Variants in FBXO8 observed in about 807,000 individuals in gnomAD.
The protein encoded by FBXO8 is F-box protein 8.
A neutral mutation model predicts 33.4 loss-of-function variants in FBXO8; 15 were observed. That is an observed-to-expected ratio of 0.45 (90% confidence interval 0.30 to 0.69). The LOEUF is 0.69. Among genes scored for constraint, FBXO8 ranks in the 30% least tolerant of loss-of-function variants. FBXO8 has a pLI of 0.08. For synonymous variants in FBXO8, 132 were observed against 131.5 expected, an observed-to-expected ratio of 1.00 and a Z score of -0.02; for missense variants, 274 against 380.3, an observed-to-expected ratio of 0.72 and a Z score of 2.32.
chr4:174,244,832 GA>G (rs1400670172), intron 3 of FBXO8, among the ~76,000 whole-genome samples: 3 of 151,664 alleles, frequency 2.0e-5, no homozygotes, highest in Non-Finnish European at 4.4e-5. Context: ...TATTTCTTGG[GA>G]AAATAAACTG....
rs1579027279 is a variant in FBXO8 at position 174,257,321 on chromosome 4, G to A, written c.456+2378C>T. On this transcript the variant is annotated intron_variant, in intron 3 of 5. Transcript: ENST00000393674. This position sits in a 1 kb window ranked among gnomAD's most constrained non-coding sequence, Gnocchi z 4.3. ...TTGTTTAAAAATTGGCATTCCTTTA[G>A]CAAGGAAAGACTACTTACCATAATC... Among the ~76,000 whole-genome samples, 1 of 152,082 alleles carries A rather than the reference G, an allele frequency of 6.6e-6. No homozygotes were observed. Among genetic ancestry groups the A allele is most frequent in the East Asian group, 1.9e-4 (1 of 5,194 alleles).
chr4:174,281,498 A>G lies in FBXO8; in HGVS notation c.-9+1912T>C, dbSNP rs1390838576. Among the ~76,000 whole-genome samples, 5 of 152,250 alleles carry G rather than the reference A, an allele frequency of 3.3e-5. No homozygotes were observed. Among genetic ancestry groups the G allele is most frequent in the Admixed American group, 3.3e-4 (5 of 15,296 alleles). On this transcript the variant is annotated intron_variant, in intron 1 of 5. Coordinates refer to ENST00000393674, the MANE Select transcript of FBXO8 (RefSeq NM_012180.3). The surrounding 1 kb of genome is among the most constrained non-coding windows in gnomAD (Gnocchi z 4.6). ...GATCGCTTGAGCTCAGGACTTCAAGACCAGCCTGGGCAGCACAGTCAGACA... is the reference window on the plus strand; with the variant it reads ...GATCGCTTGAGCTCAGGACTTCAAGGCCAGCCTGGGCAGCACAGTCAGACA...
At chr4:174,266,512 C>T (rs994640586) in intron 1 of FBXO8, among the ~76,000 whole-genome samples, 3 of 152,058 alleles carry the variant, frequency 2.0e-5, no homozygotes, top group Non-Finnish European at 4.4e-5. Flanking sequence ...AGCGTTCTGC[C>T]CCCATTCCCT....
In FBXO8 at chr4:174,254,185, T is replaced by C. The variant is rs139614937; in HGVS notation, c.456+5514A>G. 6.2e-3 allele frequency among the ~76,000 whole-genome samples: 949 copies of C among 152,320 alleles called. 5 individuals carry two copies. The highest frequency in any genetic ancestry group is 0.01 in the Admixed American group (158 of 15,306). Reference sequence around the variant, plus strand: ...AGGGTGCTGAGAACTCAATTCTTCCTAGCTAGATCTTAGTTTATATCACAG... The same window carrying C: ...AGGGTGCTGAGAACTCAATTCTTCCCAGCTAGATCTTAGTTTATATCACAG... On this transcript the variant is annotated intron_variant, in intron 3 of 5. Coordinates refer to ENST00000393674, the MANE Select transcript of FBXO8 (RefSeq NM_012180.3). This position sits in a 1 kb window ranked among gnomAD's most constrained non-coding sequence, Gnocchi z 4.2.
At position 174,262,287 on chromosome 4, in the gene FBXO8, T is replaced by C. The variant is rs957253769; in HGVS notation, c.329+477A>G. Among the ~76,000 whole-genome samples the C allele has an allele frequency of 1.3e-5, 2 of 152,146 alleles. No homozygotes were observed. Among genetic ancestry groups the C allele is most frequent in the Non-Finnish European group, 2.9e-5 (2 of 67,996 alleles). On this transcript the variant is annotated intron_variant, in intron 2 of 5. Coordinates refer to ENST00000393674, the MANE Select transcript of FBXO8 (RefSeq NM_012180.3). This position sits in a 1 kb window ranked among gnomAD's most constrained non-coding sequence, Gnocchi z 4.6. ...TCTAACAAGCACCTTTGAAGAAATA[T>C]AGAATTGAGTAAAAATGTAAGGCTC...
At chr4:174,242,725 G>A (rs566522718) in intron 3 of FBXO8, among the ~76,000 whole-genome samples, 1 of 151,520 alleles carries the variant, frequency 6.6e-6, no homozygotes, top group African/African-American at 2.4e-5. Context: ...CTGTCCGAGG[G>A]GGCAGCAACT....
chr4:174,279,718 T>C (rs951869994), intron 1 of FBXO8, among the ~76,000 whole-genome samples: 2 of 152,118 alleles, frequency 1.3e-5, no homozygotes, highest in Admixed American at 6.5e-5. Context: ...CAAAAGATTT[T>C]TGACTAGGTG....
intron 1 of FBXO8, among the ~76,000 whole-genome samples, chr4:174,266,052 A>T (rs1437751438): frequency 6.6e-6 from 1 of 152,116 alleles, no homozygotes; most frequent in Non-Finnish European, 1.5e-5. Context: ...CTATTTTCCT[A>T]CAGAATCTTT....
In FBXO8 at chr4:174,259,325, A is replaced by G. The variant is rs1354621998; in HGVS notation, c.456+374T>C. Among the ~76,000 whole-genome samples the G allele has an allele frequency of 6.6e-6, 1 of 152,118 alleles. No homozygotes were observed. Among genetic ancestry groups the G allele is most frequent in the Non-Finnish European group, 1.5e-5 (1 of 67,972 alleles). ...TATCTTTGATAAAAGTAACATCACT[A>G]CTAAGGAAAAACAATAAACAGAAAA... On this transcript the variant is annotated intron_variant, in intron 3 of 5. Coordinates refer to ENST00000393674, the MANE Select transcript of FBXO8 (RefSeq NM_012180.3). This position sits in a 1 kb window ranked among gnomAD's most constrained non-coding sequence, Gnocchi z 4.3.
Position 174,275,016 on chromosome 4 carries a change from C to T in FBXO8, c.-9+8394G>A, listed in dbSNP as rs1246512147. On this transcript the variant is annotated intron_variant, in intron 1 of 5. Coordinates refer to ENST00000393674, the MANE Select transcript of FBXO8 (RefSeq NM_012180.3). This position sits in a 1 kb window ranked among gnomAD's most constrained non-coding sequence, Gnocchi z 4.4. ...ATTTGGAAGATGAAAGGAAAGCCTACAGATTGAGAGAAAATATTTGTAAAC... is the reference window on the plus strand; with the variant it reads ...ATTTGGAAGATGAAAGGAAAGCCTATAGATTGAGAGAAAATATTTGTAAAC... 6.6e-6 allele frequency among the ~76,000 whole-genome samples: 1 copy of T among 152,116 alleles called. No individual in the cohort carries two copies. The highest frequency in any genetic ancestry group is 1.9e-4 in the East Asian group (1 of 5,194).
At chr4:174,273,820 TGTTTGAGTTTATGTACTCA>T (rs1736892758) in intron 1 of FBXO8, among the ~76,000 whole-genome samples, 2 of 152,182 alleles carry the variant, frequency 1.3e-5, no homozygotes, top group Admixed American at 1.3e-4. Flanking sequence ...AAAAGATGTG[TGTTTGAGTTTATGTACTCA>T]GTTTAAGAAT....
At position 174,253,050 on chromosome 4, in the gene FBXO8, A is replaced by G. The variant is rs1441717121; in HGVS notation, c.456+6649T>C. Reference sequence around the variant, plus strand: ...ATGAGTCAAGAGATAGATTACACGGATGCCATAAAAGCATCCTTCAAGGTG... The same window carrying G: ...ATGAGTCAAGAGATAGATTACACGGGTGCCATAAAAGCATCCTTCAAGGTG... On this transcript the variant is annotated intron_variant, in intron 3 of 5. Transcript: ENST00000393674. This position sits in a 1 kb window ranked among gnomAD's most constrained non-coding sequence, Gnocchi z 4.5. Among the ~76,000 whole-genome samples the G allele has an allele frequency of 6.6e-6, 1 of 152,122 alleles. No individual in the cohort carries two copies. The highest frequency in any genetic ancestry group is 1.5e-5 in the Non-Finnish European group (1 of 68,020).
intron 5 of FBXO8, among the ~76,000 whole-genome samples, chr4:174,238,192 G>A (rs1735932728): frequency 6.6e-6 from 1 of 151,868 alleles, no homozygotes; most frequent in Non-Finnish European, 1.5e-5. Context: ...AATTTTGAAA[G>A]CAAATCTTTA....
chr4:174,240,969 A>T, intron 4 of FBXO8, 131 bp downstream of exon 4: 1 of 514,378 alleles, frequency 1.9e-6, no homozygotes, highest in Non-Finnish European at 3.4e-6. Flanking sequence ...GAGATATAGG[A>T]ATCTTTTCCC....
chr4:174,239,893 C>T (rs1475513355), intron 4 of FBXO8, among the ~76,000 whole-genome samples: 5 of 151,656 alleles, frequency 3.3e-5, no homozygotes, highest in African/African-American at 1.2e-4. Flanking sequence ...TCCTTCAATT[C>T]TTATTGAACT....
At chr4:174,249,083 A>G (rs1318305354) in intron 3 of FBXO8, among the ~76,000 whole-genome samples, 1 of 152,086 alleles carries the variant, frequency 6.6e-6, no homozygotes, top group Non-Finnish European at 1.5e-5. Context: ...ATTCGTTCTA[A>G]TAGCCTCAAA....
At chr4:174,248,496 T>C (rs1464270739) in intron 3 of FBXO8, among the ~76,000 whole-genome samples, 1 of 152,034 alleles carries the variant, frequency 6.6e-6, no homozygotes, top group Non-Finnish European at 1.5e-5. Context: ...AGTTTTGATG[T>C]CAGTTTTAAG....
At chr4:174,273,842 T>TTAAAAC (rs934491064) in intron 1 of FBXO8, among the ~76,000 whole-genome samples, 14 of 152,172 alleles carry the variant, frequency 9.2e-5, no homozygotes, top group Admixed American at 1.3e-4. Context: ...TGTACTCAGT[T>TTAAAAC]TAAGAATTAT....
chr4:174,279,068 A>C (rs1166732986), intron 1 of FBXO8, among the ~76,000 whole-genome samples: 4 of 152,040 alleles, frequency 2.6e-5, no homozygotes, highest in Non-Finnish European at 5.9e-5. Context: ...TTAGACAAGA[A>C]AAAAAGTAAA....
Sources: allele counts gnomAD v4.1 joint callset (sites outside exome capture counted in the v4.1 genomes callset), GRCh38; gene constraint gnomAD v4.1.1; non-coding constraint Gnocchi (gnomAD v3.1); transcripts MANE v1.5; gene names NCBI Gene and HGNC (gene_info 2026-07-23, HGNC 2026-07-21).